NBEA: variants seen among roughly 807,000 people sequenced by gnomAD.
NBEA encodes neurobeachin.
Under a neutral mutation model 343.4 loss-of-function variants are expected in NBEA, and 44 were observed. The observed-to-expected ratio is 0.13, with a 90% CI of 0.10 to 0.16. The LOEUF is 0.16. NBEA is among the 10% of genes least tolerant of loss of function. NBEA has a pLI of 1.00. For missense variants in NBEA, 2,555 were observed against 3,631.3 expected (o/e 0.70, Z 7.62); for synonymous variants, 1,175 against 1,238.7 (o/e 0.95, Z 1.08).
At chr13:35,085,950 G>T (rs1269358003) in intron 10 of NBEA, among the ~76,000 whole-genome samples, 1 of 152,006 alleles carries the variant, frequency 6.6e-6, no homozygotes, top group Non-Finnish European at 1.5e-5. Flanking sequence ...CAGACAAACA[G>T]CCAAATCATG....
intron 45 of NBEA, among the ~76,000 whole-genome samples, chr13:35,581,547 G>A (rs9565383): frequency 0.13 from 19,709 of 151,660 alleles, 1,410 homozygotes; most frequent in East Asian, 0.28. Flanking sequence ...AGTAGGTTGC[G>A]GAGCCATAAA....
chr13:35,399,871 A>G (rs763952282), intron 38 of NBEA, among the ~76,000 whole-genome samples: 1 of 152,040 alleles, frequency 6.6e-6, no homozygotes, highest in African/African-American at 2.4e-5. Flanking sequence ...GCCTAATGTC[A>G]GTACTGTTGT....
At chr13:35,470,735 G>T (rs978086323) in intron 40 of NBEA, among the ~76,000 whole-genome samples, 2 of 152,222 alleles carry the variant, frequency 1.3e-5, no homozygotes, top group Non-Finnish European at 2.9e-5. Flanking sequence ...AGCGTTGGGG[G>T]ATTCGGAGGA....
intron 39 of NBEA, among the ~76,000 whole-genome samples, chr13:35,451,778 A>G (rs1481808854): frequency 2.0e-5 from 3 of 152,244 alleles, no homozygotes; most frequent in Admixed American, 6.5e-5. Flanking sequence ...GCCCTAAGAC[A>G]TGGATCTTCG....
chr13:35,384,950 A>G (rs1388076524), intron 38 of NBEA, among the ~76,000 whole-genome samples: 1 of 152,200 alleles, frequency 6.6e-6, no homozygotes, highest in Non-Finnish European at 1.5e-5. Flanking sequence ...ACCAAACAGG[A>G]TTCAGTCTGA....
intron 32 of NBEA, among the ~76,000 whole-genome samples, chr13:35,209,122 T>C (rs1198723862): frequency 6.6e-6 from 1 of 152,160 alleles, no homozygotes; most frequent in Non-Finnish European, 1.5e-5. Context: ...TACTGAAAGA[T>C]ATTTGGGGAG....
At chr13:35,079,313 A>G (rs1189104609) in intron 10 of NBEA, among the ~76,000 whole-genome samples, 2 of 152,202 alleles carry the variant, frequency 1.3e-5, no homozygotes, top group African/African-American at 4.8e-5. Flanking sequence ...TTTTGGATTT[A>G]CTGGAGAAAG....
chr13:35,418,472 G>A (rs568911738), intron 38 of NBEA, among the ~76,000 whole-genome samples: 3 of 152,100 alleles, frequency 2.0e-5, no homozygotes, highest in South Asian at 4.1e-4. Context: ...AAGAACATAT[G>A]AGAATGAAAG....
chr13:35,393,068 A>G (rs2042582373), intron 38 of NBEA, among the ~76,000 whole-genome samples: 2 of 151,848 alleles, frequency 1.3e-5, no homozygotes, highest in Non-Finnish European at 2.9e-5. Context: ...TTTTTTTACA[A>G]CCTCTCTAGA....
rs537195906 is a variant in NBEA at position 34,992,795 on chromosome 13, C to T, written c.295-48138C>T. ...TCACACCATTCTCCTGCCTCAGCCT[C>T]CTGAGTAGCTGGGACTACAGGCCCC... is the stretch of plus-strand genomic sequence containing the variant. On this transcript the variant is annotated intron_variant, in intron 1 of 58. Coordinates refer to ENST00000379939, the MANE Select transcript of NBEA (RefSeq NM_001385012.1). 7.9e-5 allele frequency among the ~76,000 whole-genome samples: 12 copies of T among 151,586 alleles called. No individual in the cohort carries two copies. In the South Asian group the frequency reaches 1.0e-3, roughly 13 times the overall value.
At chr13:35,107,084 G>T (rs913952468) in intron 11 of NBEA, among the ~76,000 whole-genome samples, 3 of 151,894 alleles carry the variant, frequency 2.0e-5, no homozygotes, top group African/African-American at 7.2e-5. Context: ...AATAAAAATA[G>T]AATGTATAAG....
chr13:35,092,958 A>C (rs565158332), intron 10 of NBEA, among the ~76,000 whole-genome samples: 15 of 152,160 alleles, frequency 9.9e-5, no homozygotes, highest in Non-Finnish European at 5.9e-5. Context: ...TTTACAAATG[A>C]ATGGGTATAC....
At chr13:35,287,875 G>A (rs796580638) in intron 34 of NBEA, among the ~76,000 whole-genome samples, 8 of 151,982 alleles carry the variant, frequency 5.3e-5, no homozygotes, top group African/African-American at 1.9e-4. Context: ...AAATGAGGTA[G>A]TAATAACTAG....
chr13:35,298,172 A>AGTGT (rs373685774), intron 35 of NBEA, among the ~76,000 whole-genome samples: 7 of 138,090 alleles, frequency 5.1e-5, no homozygotes, highest in Non-Finnish European at 6.2e-5. Flanking sequence ...ATACATAGCC[A>AGTGT]GTGTGTGTGT....
chr13:35,174,523 C>A (rs183483472), intron 27 of NBEA, among the ~76,000 whole-genome samples: 18 of 152,184 alleles, frequency 1.2e-4, no homozygotes, highest in African/African-American at 4.1e-4. Context: ...TAAACTTCTG[C>A]AGATGGCAAG....
chr13:34,992,198 A>ATG (rs58578283), intron 1 of NBEA, among the ~76,000 whole-genome samples: 3,075 of 138,734 alleles, frequency 0.022, 79 homozygotes, highest in African/African-American at 0.062. Flanking sequence ...GTGTATATAT[A>ATG]TGTGTGTGTG....
chr13:35,654,803 G>T, intron 53 of NBEA, 52 bp from the exon 54 acceptor site: 1 of 1,470,522 alleles, frequency 6.8e-7, no homozygotes. Context: ...TGAGTGCTTG[G>T]CAAAACTCAT....
intron 55 of NBEA, among the ~76,000 whole-genome samples, chr13:35,661,373 T>C (rs959535101): frequency 3.3e-5 from 5 of 152,070 alleles, no homozygotes; most frequent in Non-Finnish European, 7.4e-5. Flanking sequence ...CAGAGGAAAA[T>C]GTAGTCATTG....
At chr13:35,248,597 A>C (rs1317128204) in intron 34 of NBEA, among the ~76,000 whole-genome samples, 1 of 118,892 alleles carries the variant, frequency 8.4e-6, no homozygotes, top group Non-Finnish European at 2.1e-5. Context: ...AAGCAAAACA[A>C]ACAAGCAAAC....
Sources: gnomAD v4.1 joint callset for allele counts (sites outside exome capture counted in the v4.1 genomes callset) on GRCh38, gnomAD v4.1.1 for gene constraint, MANE v1.5 for transcripts, NCBI Gene and HGNC (gene_info 2026-07-23, HGNC 2026-07-21) for gene names.